ADGRB3: variants seen among roughly 807,000 people sequenced by gnomAD.
ADGRB3 encodes the protein adhesion G protein-coupled receptor B3.
Under a neutral mutation model 193.4 loss-of-function variants are expected in ADGRB3, and 37 were observed. The observed-to-expected ratio is 0.19, with a 90% CI of 0.15 to 0.25. ADGRB3 has a LOEUF of 0.25. Ranked by LOEUF, ADGRB3 falls within the 10% of genes least tolerant of loss-of-function variation. ADGRB3 has a pLI of 1.00. For synonymous variants in ADGRB3, 690 were observed against 644.2 expected (o/e 1.07, Z -1.08); for missense variants, 1,637 against 1,852.9 (o/e 0.88, Z 2.14).
intron 3 of ADGRB3, among the ~76,000 whole-genome samples, chr6:68,895,960 A>C (rs1188745011): frequency 6.6e-6 from 1 of 152,102 alleles, no homozygotes; most frequent in Non-Finnish European, 1.5e-5. Context: ...GAGGCAAAGC[A>C]AAAAACAGTG....
intron 13 of ADGRB3, among the ~76,000 whole-genome samples, chr6:69,047,226 A>G (rs977118011): frequency 1.3e-5 from 2 of 152,142 alleles, no homozygotes; most frequent in Non-Finnish European, 2.9e-5. Flanking sequence ...GTTTCCATAT[A>G]AGTTCTCCAA....
chr6:69,350,493 T>G (rs2127325615), intron 26 of ADGRB3, among the ~76,000 whole-genome samples: 1 of 152,250 alleles, frequency 6.6e-6, no homozygotes, highest in East Asian at 1.9e-4. Context: ...GTGCCATAAT[T>G]TATCTTAAAT....
At chr6:68,687,072 T>G (rs1764996352) in intron 3 of ADGRB3, among the ~76,000 whole-genome samples, 1 of 152,092 alleles carries the variant, frequency 6.6e-6, no homozygotes, top group Non-Finnish European at 1.5e-5. Context: ...GGATCTTCTA[T>G]GTATCATATA....
intron 4 of ADGRB3, among the ~76,000 whole-genome samples, chr6:68,934,164 T>C (rs548688556): frequency 3.9e-5 from 6 of 152,286 alleles, no homozygotes; most frequent in Admixed American, 3.9e-4. Flanking sequence ...AAGAACATTT[T>C]GATAGGTAGG....
At chr6:69,100,439 A>C (rs1258597885) in intron 17 of ADGRB3, among the ~76,000 whole-genome samples, 1 of 152,204 alleles carries the variant, frequency 6.6e-6, no homozygotes, top group African/African-American at 2.4e-5. Flanking sequence ...TAAAAGTTAT[A>C]AGAGAGACAG....
chr6:68,888,170 C>G (rs1765965542), intron 3 of ADGRB3, among the ~76,000 whole-genome samples: 1 of 152,076 alleles, frequency 6.6e-6, no homozygotes, highest in Admixed American at 6.6e-5. Flanking sequence ...ATGGAACAAT[C>G]AAGTTAGAGT....
chr6:68,919,618 G>T (rs1766982075), intron 3 of ADGRB3, among the ~76,000 whole-genome samples: 1 of 152,040 alleles, frequency 6.6e-6, no homozygotes, highest in South Asian at 2.1e-4. Flanking sequence ...AGACAGAAAA[G>T]CAGAAAAAAG....
chr6:69,040,051 T>A (rs879822807), intron 13 of ADGRB3, among the ~76,000 whole-genome samples: 2 of 152,132 alleles, frequency 1.3e-5, no homozygotes, highest in South Asian at 2.1e-4. Context: ...TACATAATCG[T>A]TTTGAGATAA....
intron 15 of ADGRB3, among the ~76,000 whole-genome samples, chr6:69,051,981 C>G (rs1264571826): frequency 6.6e-6 from 1 of 152,228 alleles, no homozygotes; most frequent in East Asian, 1.9e-4. Flanking sequence ...TGCAAGATCT[C>G]CCGGGTTCAC....
intron 3 of ADGRB3, among the ~76,000 whole-genome samples, chr6:68,750,876 A>G (rs1183921664): frequency 6.6e-6 from 1 of 152,236 alleles, no homozygotes; most frequent in East Asian, 1.9e-4. Flanking sequence ...AACATGCCCA[A>G]CTTCAGGAAG....
chr6:69,349,638 G>A (rs1001686578), intron 26 of ADGRB3, among the ~76,000 whole-genome samples: 3 of 152,112 alleles, frequency 2.0e-5, no homozygotes, highest in Non-Finnish European at 4.4e-5. Context: ...AAGCTGAGCT[G>A]TTTGTTAAAA....
At chr6:69,123,671 G>C (rs1199819721) in intron 17 of ADGRB3, among the ~76,000 whole-genome samples, 2 of 152,160 alleles carry the variant, frequency 1.3e-5, no homozygotes, top group Admixed American at 6.5e-5. Context: ...AAATTACTGA[G>C]AAAGTGACAT....
At chr6:68,800,321 T>A (rs1000866394) in intron 3 of ADGRB3, among the ~76,000 whole-genome samples, 10 of 152,076 alleles carry the variant, frequency 6.6e-5, no homozygotes, top group Non-Finnish European at 7.4e-5. Context: ...ATCAAAAAGT[T>A]GTTTTTGGAT....
At chr6:68,957,829 C>A (rs1389027798) in intron 8 of ADGRB3, among the ~76,000 whole-genome samples, 1 of 152,030 alleles carries the variant, frequency 6.6e-6, no homozygotes, top group Non-Finnish European at 1.5e-5. Context: ...TCTCACAGTA[C>A]AACACTAAGA....
intron 3 of ADGRB3, among the ~76,000 whole-genome samples, chr6:68,695,669 C>G (rs1329230836): frequency 6.6e-6 from 1 of 151,900 alleles, no homozygotes; most frequent in African/African-American, 2.4e-5. Context: ...AACTTCTTAA[C>G]TACTGTTAAG....
At chr6:68,818,207 T>C (rs1767673687) in intron 3 of ADGRB3, among the ~76,000 whole-genome samples, 1 of 152,088 alleles carries the variant, frequency 6.6e-6, no homozygotes, top group African/African-American at 2.4e-5. Flanking sequence ...CTTCTCCACC[T>C]GTAGACTCTC....
intron 3 of ADGRB3, among the ~76,000 whole-genome samples, chr6:68,883,377 G>A (rs1192902664): frequency 1.3e-5 from 2 of 152,158 alleles, no homozygotes; most frequent in South Asian, 4.1e-4. Context: ...GTCAGATAAG[G>A]GAATAAAAGC....
At chr6:69,092,902 T>G (rs1234603165) in intron 17 of ADGRB3, among the ~76,000 whole-genome samples, 1 of 152,040 alleles carries the variant, frequency 6.6e-6, no homozygotes, top group African/African-American at 2.4e-5. Flanking sequence ...ACTTACCTTG[T>G]TGAGAAAGGA....
intron 3 of ADGRB3, among the ~76,000 whole-genome samples, chr6:68,846,462 G>A (rs1239967066): frequency 1.3e-5 from 2 of 152,200 alleles, no homozygotes; most frequent in African/African-American, 2.4e-5. Flanking sequence ...AGATGCCCAG[G>A]AGGAAAAAAT....
Sources: gnomAD v4.1 joint callset for allele counts (sites outside exome capture counted in the v4.1 genomes callset) on GRCh38, gnomAD v4.1.1 for gene constraint, MANE v1.5 for transcripts, NCBI Gene and HGNC (gene_info 2026-07-23, HGNC 2026-07-21) for gene names.